Variants in CHSY1 observed in about 807,000 individuals in gnomAD.
CHSY1 encodes N-acetylgalactosaminyl-proteoglycan 3-beta-glucuronosyltransferase 1.
CHSY1 carries 13 observed loss-of-function variants against 59.8 expected under a neutral mutation model. The observed-to-expected ratio is 0.22, with a 90% confidence interval of 0.14 to 0.35. The LOEUF is 0.35. CHSY1 is among the 10% of genes least tolerant of loss of function. The pLI, the probability that CHSY1 is intolerant of heterozygous loss-of-function variation, is 1.00. For missense variants in CHSY1, 947 were observed against 1,030.6 expected, an observed-to-expected ratio of 0.92 and a Z score of 1.11; for synonymous variants, 459 against 401.2, an observed-to-expected ratio of 1.14 and a Z score of -1.72.
chr15:101,178,765 G>A lies in CHSY1; in HGVS notation c.1032C>T (p.Tyr344=), dbSNP rs778640801. The change falls in exon 3 of 3, where the codon TAC becomes TAT. Residue 344 remains tyrosine (Y), a synonymous_variant. Transcript: ENST00000254190. ...LHREIVLMSK[Y]SNTEIHKEDL... ...CCTCTTTATGAATTTCTGTGTTGCT[G>A]TATTTGCTCATCAGGACAATTTCGC... 1 of 1,614,214 alleles carries A rather than the reference G, an allele frequency of 6.2e-7. No individual in the cohort carries two copies. Among genetic ancestry groups the A allele is most frequent in the Non-Finnish European group, 8.5e-7 (1 of 1,180,048 alleles).
At chr15:101,194,507 C>T (rs1368104107) in intron 2 of CHSY1, among the ~76,000 whole-genome samples, 2 of 152,204 alleles carry the variant, frequency 1.3e-5, no homozygotes, top group East Asian at 3.8e-4. Context: ...CAACAGCTAT[C>T]CAGCCATTAA....
chr15:101,186,319 C>CAAATAAATAAAT (rs71903953), intron 2 of CHSY1, among the ~76,000 whole-genome samples: 52 of 147,256 alleles, frequency 3.5e-4, no homozygotes, highest in Non-Finnish European at 5.5e-4. Context: ...GACCCTGTCT[C>CAAATAAATAAAT]AAATAAATAA....
At chr15:101,232,980 C>T (rs2038905910) in intron 2 of CHSY1, among the ~76,000 whole-genome samples, 1 of 152,158 alleles carries the variant, frequency 6.6e-6, no homozygotes, top group Admixed American at 6.5e-5. Flanking sequence ...GCTGCTGTCC[C>T]TGACCCACCT....
intron 1 of CHSY1, among the ~76,000 whole-genome samples, chr15:101,242,190 C>T (rs1324809622): frequency 1.3e-5 from 2 of 151,980 alleles, no homozygotes; most frequent in Admixed American, 6.5e-5. Flanking sequence ...CAAAATCATA[C>T]AGGATGAGAA....
In CHSY1 at chr15:101,235,419, T is replaced by C. The variant is rs778545156; in HGVS notation, c.479A>G (p.Tyr160Cys). 1.2e-6 allele frequency: 2 copies of C among 1,614,044 alleles called. No homozygotes were observed. Among genetic ancestry groups the C allele is most frequent in the Admixed American group, 1.7e-5 (1 of 60,010 alleles). Residue 160 changes from tyrosine (Y) to cysteine (C), a missense_variant, in exon 2 of 3, where the codon TAC (tyrosine) becomes TGC (cysteine). By Grantham distance (194) the Tyr-to-Cys change is radical. Transcript: ENST00000254190. ...FMMLKYMHDH[Y>C]LDKYEWFMRA... Reference sequence around the variant, plus strand: ...CATAAACCATTCATACTTGTCCAAGTAGTGGTCGTGCATGTACTTGAGCAT... The same window carrying C: ...CATAAACCATTCATACTTGTCCAAGCAGTGGTCGTGCATGTACTTGAGCAT...
chr15:101,224,665 ACTCCCACCTGGT>A (rs1013257427), intron 2 of CHSY1, among the ~76,000 whole-genome samples: 1 of 151,882 alleles, frequency 6.6e-6, no homozygotes, highest in African/African-American at 2.4e-5. Context: ...CCTCTGAGAA[ACTCCCACCTGGT>A]CTAAGACCCA....
chr15:101,239,273 T>C (rs2038977880), intron 1 of CHSY1, among the ~76,000 whole-genome samples: 1 of 152,212 alleles, frequency 6.6e-6, no homozygotes, highest in South Asian at 2.1e-4. Context: ...TCAGAAATCA[T>C]TTCTATCTTG....
intron 2 of CHSY1, chr15:101,187,953 A>C: frequency 1.1e-6 from 1 of 878,234 alleles, no homozygotes; most frequent in Non-Finnish European, 1.4e-6. Flanking sequence ...GCTGGGAATA[A>C]CCATCAACTA....
intron 1 of CHSY1, 63 bp from the exon 2 acceptor site, chr15:101,235,640 C>A: frequency 6.5e-7 from 1 of 1,532,346 alleles, no homozygotes; most frequent in African/African-American, 1.4e-5. Context: ...CAGGAATTCA[C>A]GTTATCTGCT....
chr15:101,231,783 T>A (rs2038895393), intron 2 of CHSY1, among the ~76,000 whole-genome samples: 2 of 152,234 alleles, frequency 1.3e-5, no homozygotes, highest in East Asian at 3.8e-4. Flanking sequence ...TTTTGTTCCC[T>A]CTTAAGAGTA....
chr15:101,195,481 A>G (rs574939608), intron 2 of CHSY1, among the ~76,000 whole-genome samples: 5 of 152,376 alleles, frequency 3.3e-5, no homozygotes, highest in Admixed American at 2.0e-4. Context: ...TGGTAAAGGT[A>G]TAAGTCATGT....
intron 2 of CHSY1, among the ~76,000 whole-genome samples, chr15:101,230,967 G>A (rs1177687960): frequency 2.0e-5 from 3 of 152,134 alleles, no homozygotes; most frequent in Non-Finnish European, 1.5e-5. Context: ...AGTACTTACT[G>A]GCTAACTCAG....
chr15:101,234,852 G>A (rs990157045), intron 2 of CHSY1, among the ~76,000 whole-genome samples: 1 of 152,118 alleles, frequency 6.6e-6, no homozygotes, highest in Middle Eastern at 3.2e-3. Context: ...GGGAGACAGA[G>A]CAAGACTCTC....
At chr15:101,197,971 GA>G (rs1179560196) in intron 2 of CHSY1, among the ~76,000 whole-genome samples, 5 of 152,138 alleles carry the variant, frequency 3.3e-5, no homozygotes, top group African/African-American at 2.4e-5. Flanking sequence ...CTCACTTTGG[GA>G]TGTAAGGATT....
chr15:101,241,118 C>T (rs182415529), intron 1 of CHSY1, among the ~76,000 whole-genome samples: 55 of 152,234 alleles, frequency 3.6e-4, no homozygotes, highest in East Asian at 2.9e-3. Context: ...TTTTCTGAGA[C>T]GGAGTCTGGC....
chr15:101,177,406 G>A lies in CHSY1; in HGVS notation c.2391C>T (p.Gly797=), dbSNP rs1212928788. The A allele has an allele frequency of 6.2e-7, 1 of 1,612,642 alleles. No homozygotes were observed. The highest frequency in any genetic ancestry group is 8.5e-7 in the Non-Finnish European group (1 of 1,179,662). The change falls in exon 3 of 3, where the codon GGC becomes GGT. Residue 797 remains glycine, a synonymous_variant. Transcript: ENST00000254190. ...CTGGACATTAGGCTGTCCTCACTGA[G>A]CCATTATTATTGCTGCTTTTACTGT... The part of the protein sequence containing the change: ...PSYSKSSNNN[G]SVRTA
intron 1 of CHSY1, among the ~76,000 whole-genome samples, chr15:101,245,196 T>C (rs1423416517): frequency 2.6e-5 from 4 of 152,148 alleles, no homozygotes; most frequent in Non-Finnish European, 4.4e-5. Flanking sequence ...CACGCAGACC[T>C]TCCCTCCATG....
intron 2 of CHSY1, among the ~76,000 whole-genome samples, chr15:101,195,764 G>A (rs1377304115): frequency 6.7e-6 from 1 of 149,908 alleles, no homozygotes; most frequent in Non-Finnish European, 1.5e-5. Flanking sequence ...GGCGGAGCTT[G>A]CAGTGAGCCG....
rs186825607 is a variant in CHSY1, at chr15:101,227,453, C to T, written c.816+7629G>A. Among the ~76,000 whole-genome samples, 57 of 152,290 alleles carry T rather than the reference C, an allele frequency of 3.7e-4. 1 individual carries two copies. The highest frequency in any genetic ancestry group is 3.4e-3 in the Middle Eastern group (1 of 294). ...AGCACTGCCCAAGGGGATGGCTAAC[C>T]ATACACGCAGTGTGTGGGGGGAACA... On this transcript the variant is annotated intron_variant, in intron 2 of 2. Transcript: ENST00000254190.
Sources: allele counts gnomAD v4.1 joint callset (sites outside exome capture counted in the v4.1 genomes callset), GRCh38; gene constraint gnomAD v4.1.1; transcripts MANE v1.5; gene names NCBI Gene and HGNC (gene_info 2026-07-23, HGNC 2026-07-21).